BMP2K: variants seen among roughly 807,000 people sequenced by gnomAD.
BMP2K encodes BMP-2-inducible protein kinase.
A neutral mutation model predicts 116.0 loss-of-function variants in BMP2K; 74 were observed. The observed-to-expected ratio is 0.64, with a 90% CI of 0.53 to 0.77. The LOEUF (loss-of-function observed/expected upper bound fraction) is 0.77. Ranked by LOEUF, BMP2K falls within the 30% of genes least tolerant of loss-of-function variation. The pLI is 0.00. For synonymous variants in BMP2K, 486 were observed against 502.5 expected (o/e 0.97, Z 0.44); for missense variants, 1,365 against 1,403.6 (o/e 0.97, Z 0.44).
At position 78,916,288 on chromosome 4, in the gene BMP2K, T is replaced by G. The variant is rs1214961071; in HGVS notation, c.*4255T>G. The G allele has an allele frequency of 6.6e-6, 1 of 151,990 alleles. No individual in the cohort carries two copies. Among genetic ancestry groups the G allele is most frequent in the Non-Finnish European group, 1.5e-5 (1 of 67,876 alleles). The allele number at this position is 151,990 out of a possible 1,614,324, so 9.4% of individuals were successfully genotyped here. A position where few individuals can be genotyped will look rare whatever the true frequency, so the allele number is the denominator to read the frequency against. On this transcript the variant is annotated 3_prime_UTR_variant, in exon 16 of 16. Transcript: ENST00000502613. ...TGTTTGAAATTTAAAGTTATTTTCTTACTGTATTTATCATACCTGTTTTAA... is the reference window on the plus strand; with the variant it reads ...TGTTTGAAATTTAAAGTTATTTTCTGACTGTATTTATCATACCTGTTTTAA...
intron 14 of BMP2K, among the ~76,000 whole-genome samples, chr4:78,882,999 C>T (rs1732934470): frequency 6.6e-6 from 1 of 151,970 alleles, no homozygotes; most frequent in African/African-American, 2.4e-5. Context: ...CCTTTTACAC[C>T]ATTATCCATA....
intron 2 of BMP2K, among the ~76,000 whole-genome samples, chr4:78,833,332 C>T (rs1033786913): frequency 6.6e-6 from 1 of 152,002 alleles, no homozygotes; most frequent in Non-Finnish European, 1.5e-5. Flanking sequence ...ATTCCTTTTG[C>T]GTGAACCATT....
chr4:78,865,804 C>T lies in BMP2K; in HGVS notation c.1231+84C>T, dbSNP rs180721159. The stretch of plus-strand genomic sequence containing the variant: ...ATTTGATTTCCTGACCTCAGGTGAT[C>T]CTTAATATTGTAAAGTAGATAACAT... On this transcript the variant is annotated intron_variant, in intron 10 of 15. Coordinates refer to ENST00000502613, the MANE Select transcript of BMP2K (RefSeq NM_198892.2). 25 of 1,372,278 alleles carry T rather than the reference C, an allele frequency of 1.8e-5. 1 individual carries two copies. In the East Asian group the frequency reaches 4.4e-4, roughly 24 times the overall value. 85.0% of individuals were successfully genotyped at this position (1,372,278 alleles called of 1,614,324 possible). A position where few individuals can be genotyped will look rare whatever the true frequency, so the allele number is the denominator to read the frequency against.
chr4:78,892,164 A>AT (rs1035020699), intron 15 of BMP2K, among the ~76,000 whole-genome samples: 12 of 152,016 alleles, frequency 7.9e-5, no homozygotes, highest in Non-Finnish European at 1.8e-4. Context: ...TATGATGTAG[A>AT]TTTTTTTCCT....
At chr4:78,863,644 A>G (rs149229887) in intron 9 of BMP2K, among the ~76,000 whole-genome samples, 1 of 152,300 alleles carries the variant, frequency 6.6e-6, no homozygotes, top group East Asian at 1.9e-4. Flanking sequence ...GGGAAGCAGA[A>G]AAACAGCTCT....
chr4:78,783,147 GA>G (rs912404453), intron 1 of BMP2K, among the ~76,000 whole-genome samples: 12 of 152,120 alleles, frequency 7.9e-5, no homozygotes, highest in African/African-American at 2.9e-4. Flanking sequence ...ATTTGTGTTT[GA>G]AAAATATCTG....
intron 15 of BMP2K, among the ~76,000 whole-genome samples, chr4:78,908,079 A>G (rs1184367276): frequency 6.6e-6 from 1 of 152,030 alleles, no homozygotes; most frequent in Non-Finnish European, 1.5e-5. Context: ...AAGAAGTCAA[A>G]CTTGAGAATC....
Position 78,865,595 on chromosome 4 carries a change from C to T in BMP2K, c.1106C>T (p.Ala369Val). 1 of 1,614,048 alleles carries T rather than the reference C, an allele frequency of 6.2e-7. No homozygotes were observed. The highest frequency in any genetic ancestry group is 8.5e-7 in the Non-Finnish European group (1 of 1,179,966). ...DTIGPTETSI[A>V]PRQRPKANSA... Reference sequence around the variant, plus strand: ...ATTGGACCAACAGAAACCTCAATTGCACCAAGACAAAGACCAAAGGCCAAC... The same window carrying T: ...ATTGGACCAACAGAAACCTCAATTGTACCAAGACAAAGACCAAAGGCCAAC... The change falls in exon 10 of 16, where the codon GCA (alanine) becomes GTA (valine). Residue 369 changes from alanine (A) to valine (V), a missense_variant. Transcript: ENST00000502613.
intron 6 of BMP2K, among the ~76,000 whole-genome samples, chr4:78,850,597 G>C (rs905956519): frequency 6.6e-6 from 1 of 151,732 alleles, no homozygotes; most frequent in African/African-American, 2.4e-5. Context: ...ATACTTTGTT[G>C]GTTATATGCT....
chr4:78,838,159 G>C (rs1384308042), intron 3 of BMP2K, among the ~76,000 whole-genome samples: 1 of 152,042 alleles, frequency 6.6e-6, no homozygotes, highest in East Asian at 1.9e-4. Context: ...GTTTGTGCAG[G>C]GTAATGTCCC....
At chr4:78,894,264 A>G (rs1733586019) in intron 15 of BMP2K, among the ~76,000 whole-genome samples, 1 of 152,242 alleles carries the variant, frequency 6.6e-6, no homozygotes, top group Non-Finnish European at 1.5e-5. Flanking sequence ...GAATCTTTGA[A>G]GCCAGACATG....
chr4:78,898,106 A>C (rs1190106362), intron 15 of BMP2K, among the ~76,000 whole-genome samples: 4 of 152,152 alleles, frequency 2.6e-5, no homozygotes, highest in Non-Finnish European at 5.9e-5. Context: ...GAGCAGAGAG[A>C]ACAGTTGTGA....
intron 15 of BMP2K, among the ~76,000 whole-genome samples, chr4:78,900,284 G>A (rs1472980611): frequency 6.6e-6 from 1 of 152,122 alleles, no homozygotes; most frequent in Non-Finnish European, 1.5e-5. Flanking sequence ...TTATCAGCAA[G>A]GCTTCTGGTT....
At chr4:78,896,528 A>G (rs1217631294) in intron 15 of BMP2K, among the ~76,000 whole-genome samples, 1 of 152,176 alleles carries the variant, frequency 6.6e-6, no homozygotes, top group African/African-American at 2.4e-5. Context: ...GATTAATAAG[A>G]AAAATATATG....
Position 78,858,094 on chromosome 4 carries a change from A to C in BMP2K, c.884-1490A>C, listed in dbSNP as rs551873395. Among the ~76,000 whole-genome samples the C allele has an allele frequency of 5.9e-5, 9 of 152,170 alleles. No homozygotes were observed. The South Asian group carries it at 1.0e-3, about 17-fold the overall frequency. On this transcript the variant is annotated intron_variant, in intron 7 of 15. Transcript: ENST00000502613. The stretch of plus-strand genomic sequence containing the variant: ...ATATGTATAATTAGCTATTGTTGAA[A>C]TTAGATTTTAAAAGCCAAATAAATT...
chr4:78,902,999 GTTGTTTTAGGCATTGAC>G (rs1734089321), intron 15 of BMP2K, among the ~76,000 whole-genome samples: 1 of 151,838 alleles, frequency 6.6e-6, no homozygotes, highest in Non-Finnish European at 1.5e-5. Context: ...CCTAAGAAAT[GTTGTTTTAGGCATTGAC>G]TACAAATTTT....
At chr4:78,874,793 T>C (rs1732553953) in intron 13 of BMP2K, among the ~76,000 whole-genome samples, 1 of 152,228 alleles carries the variant, frequency 6.6e-6, no homozygotes, top group African/African-American at 2.4e-5. Context: ...TGCTGATGCC[T>C]GTAATGTATA....
At chr4:78,786,889 C>A (rs1560498881) in intron 1 of BMP2K, among the ~76,000 whole-genome samples, 2 of 152,038 alleles carry the variant, frequency 1.3e-5, no homozygotes, top group African/African-American at 4.8e-5. Context: ...TAAGGCTTAT[C>A]TTGTATTCAT....
At chr4:78,865,745 C>T (rs1312246160) in intron 10 of BMP2K, 25 bp downstream of exon 10, 1 of 1,610,502 alleles carries the variant, frequency 6.2e-7, no homozygotes, top group Non-Finnish European at 8.5e-7. Flanking sequence ...CCAACCTCAT[C>T]CTCTTAAAGG....
Sources: gnomAD v4.1 joint callset for allele counts (sites outside exome capture counted in the v4.1 genomes callset) on GRCh38, gnomAD v4.1.1 for gene constraint, MANE v1.5 for transcripts, NCBI Gene and HGNC (gene_info 2026-07-23, HGNC 2026-07-21) for gene names.